The following PCDH11X variants were observed in gnomAD, a reference collection of about 807,000 sequenced individuals.
PCDH11X encodes the protein protocadherin-11 X-linked.
In PCDH11X, 18 loss-of-function variants were observed where a neutral mutation model predicts 53.3. The observed-to-expected ratio is 0.34, with a 90% confidence interval of 0.23 to 0.50. The LOEUF (loss-of-function observed/expected upper bound fraction) is 0.50. Among genes scored for constraint, PCDH11X ranks in the 20% least tolerant of loss-of-function variants. The pLI is 0.98. For missense variants in PCDH11X, 570 were observed against 1,032.4 expected (o/e 0.55, Z 6.14); for synonymous variants, 279 against 393.3 (o/e 0.71, Z 3.44).
intron 9 of PCDH11X, among the ~76,000 whole-genome samples, chrX:92,396,646 C>T (rs1454515585): frequency 9.4e-6 from 1 of 106,883 alleles, no homozygotes; most frequent in African/African-American, 3.4e-5. Context: ...TAGTTCAAGA[C>T]CAGCCTGGCC....
chrX:92,586,476 G>T (rs796239308), intron 10 of PCDH11X, among the ~76,000 whole-genome samples: 1 of 104,735 alleles, frequency 9.5e-6, no homozygotes, highest in East Asian at 3.0e-4. Flanking sequence ...GTCTGGTGTA[G>T]AATAAACATA....
At chrX:92,575,978 GTATATATATATATATATATA>G (rs1173562560) in intron 10 of PCDH11X, among the ~76,000 whole-genome samples, 3 of 18,454 alleles carry the variant, frequency 1.6e-4, no homozygotes, top group African/African-American at 3.3e-4. Flanking sequence ...CACCTGGGGT[GTATATATATATATATATATA>G]TATATATATA....
chrX:92,253,857 T>C (rs1316403007), intron 7 of PCDH11X, among the ~76,000 whole-genome samples: 1 of 112,048 alleles, frequency 8.9e-6, no homozygotes, highest in Non-Finnish European at 1.9e-5. Context: ...AGGTTTTCCA[T>C]ATATAAGAAC....
At chrX:92,127,620 A>G (rs763594526) in intron 6 of PCDH11X, among the ~76,000 whole-genome samples, 11 of 105,399 alleles carry the variant, frequency 1.0e-4, no homozygotes, top group Non-Finnish European at 1.9e-4. Context: ...TCCCAGGTTC[A>G]AGGGATTCTC....
chrX:92,077,667 A>AGGAAGGAAG (rs1556013852), intron 6 of PCDH11X, among the ~76,000 whole-genome samples: 1 of 98,990 alleles, frequency 1.0e-5, no homozygotes, highest in South Asian at 4.4e-4. Context: ...GAAGGAAGGA[A>AGGAAGGAAG]GGACAGACAT....
chrX:91,964,270 A>G (rs1226331909), intron 6 of PCDH11X, among the ~76,000 whole-genome samples: 1 of 108,957 alleles, frequency 9.2e-6, no homozygotes, highest in African/African-American at 3.5e-5. Context: ...TCCTATCAAA[A>G]TGCCAATGTT....
intron 6 of PCDH11X, among the ~76,000 whole-genome samples, chrX:91,932,400 A>G: frequency 9.7e-6 from 1 of 103,244 alleles, no homozygotes; most frequent in African/African-American, 3.5e-5. Context: ...CAGGGGGAGA[A>G]GTTTGGAAGA....
At chrX:92,219,041 G>A (rs1382351716) in intron 7 of PCDH11X, among the ~76,000 whole-genome samples, 20 of 111,167 alleles carry the variant, frequency 1.8e-4, no homozygotes, top group South Asian at 7.5e-4. Flanking sequence ...TTGATGGGAC[G>A]TATCTCAAAA....
intron 8 of PCDH11X, among the ~76,000 whole-genome samples, chrX:92,336,172 T>C (rs945028784): frequency 8.9e-6 from 1 of 111,942 alleles, no homozygotes; most frequent in African/African-American, 3.2e-5. Context: ...AATTACATAA[T>C]AACTATTATA....
intron 10 of PCDH11X, among the ~76,000 whole-genome samples, chrX:92,481,706 G>A (rs944234197): frequency 5.4e-5 from 6 of 111,727 alleles, no homozygotes; most frequent in Non-Finnish European, 7.5e-5. Context: ...AGCCTGGGGG[G>A]TGAGAGTCCC....
intron 8 of PCDH11X, among the ~76,000 whole-genome samples, chrX:92,264,979 C>T (rs1051896869): frequency 5.8e-5 from 6 of 103,433 alleles, no homozygotes; most frequent in Non-Finnish European, 1.2e-4. Flanking sequence ...AAGGTTATGA[C>T]GTTAAAAATC....
chrX:91,883,615 C>T, intron 6 of PCDH11X: 1 of 590,689 alleles, frequency 1.7e-6, no homozygotes, highest in Non-Finnish European at 2.0e-6. Context: ...ACCATCCTGG[C>T]TAACACGGTG....
intron 10 of PCDH11X, among the ~76,000 whole-genome samples, chrX:92,491,276 T>C (rs2073760094): frequency 9.0e-6 from 1 of 110,609 alleles, no homozygotes; most frequent in South Asian, 3.9e-4. Context: ...ACTTTGAAAA[T>C]TCCAAGGTCC....
At chrX:92,335,078 G>A (rs1375209169) in intron 8 of PCDH11X, among the ~76,000 whole-genome samples, 1 of 109,706 alleles carries the variant, frequency 9.1e-6, no homozygotes, top group Non-Finnish European at 1.9e-5. Flanking sequence ...TTACAGGTAA[G>A]GGAAAAAACA....
At chrX:92,520,226 A>AT (rs66767343) in intron 10 of PCDH11X, among the ~76,000 whole-genome samples, 39,232 of 103,187 alleles carry the variant, frequency 0.38, 5,674 homozygotes, top group South Asian at 0.59. Flanking sequence ...AATCTCTCAG[A>AT]TTTTTTTTTT....
intron 6 of PCDH11X, among the ~76,000 whole-genome samples, chrX:92,175,785 T>C (rs199864322): frequency 0.54 from 45,642 of 83,749 alleles, 9,555 homozygotes; most frequent in Non-Finnish European, 0.65. Flanking sequence ...TGTATATATA[T>C]ACACACACAC....
At chrX:91,894,872 T>C (rs1940677447) in intron 6 of PCDH11X, among the ~76,000 whole-genome samples, 1 of 110,969 alleles carries the variant, frequency 9.0e-6, no homozygotes, top group Non-Finnish European at 1.9e-5. Context: ...CATATAGACA[T>C]GGGAAGTGTT....
chrX:92,062,142 A>G (rs1453075313), intron 6 of PCDH11X, among the ~76,000 whole-genome samples: 2 of 110,778 alleles, frequency 1.8e-5, no homozygotes, highest in East Asian at 5.7e-4. Flanking sequence ...GTATAGAAAT[A>G]CTACTGACTT....
intron 1 of PCDH11X, among the ~76,000 whole-genome samples, chrX:91,781,277 T>C (rs73535548): frequency 0.074 from 7,587 of 102,670 alleles, 703 homozygotes; most frequent in African/African-American, 0.26. Context: ...GAAAAGTGTG[T>C]GGAAGAAACT....
Sources: gnomAD v4.1 joint callset for allele counts (sites outside exome capture counted in the v4.1 genomes callset) on GRCh38, gnomAD v4.1.1 for gene constraint, MANE v1.5 for transcripts, NCBI Gene and HGNC (gene_info 2026-07-23, HGNC 2026-07-21) for gene names.